EXOC6B: variants seen among roughly 807,000 people sequenced by gnomAD.
The protein encoded by EXOC6B is exocyst complex component 6B, also known as SEC15 homolog B.
EXOC6B carries 54 observed loss-of-function variants against 113.5 expected under a neutral mutation model. The observed-to-expected ratio is 0.48, with a 90% CI of 0.38 to 0.60. The LOEUF (loss-of-function observed/expected upper bound fraction) is 0.60. EXOC6B is among the 20% of genes least tolerant of loss of function. The pLI is 0.00. For missense variants in EXOC6B, 797 were observed against 977.5 expected (o/e 0.82, Z 2.46); for synonymous variants, 357 against 339.0 (o/e 1.05, Z -0.58).
chr2:72,407,819 C>T (rs1239810233), intron 18 of EXOC6B, among the ~76,000 whole-genome samples: 2 of 152,160 alleles, frequency 1.3e-5, no homozygotes, highest in Admixed American at 1.3e-4. Context: ...CAGGGATGCC[C>T]TCTCTCACCA....
chr2:72,413,646 G>A (rs2105231972), intron 18 of EXOC6B, among the ~76,000 whole-genome samples: 1 of 149,826 alleles, frequency 6.7e-6, no homozygotes, highest in East Asian at 2.0e-4. Context: ...TCACTCCACT[G>A]CACTCCAGCC....
At chr2:72,444,947 C>A (rs1478369154) in intron 18 of EXOC6B, among the ~76,000 whole-genome samples, 2 of 152,202 alleles carry the variant, frequency 1.3e-5, no homozygotes, top group Non-Finnish European at 2.9e-5. Context: ...CAAATTTCTG[C>A]AGCTGGCTTG....
chr2:72,700,900 G>A (rs1333143696), intron 6 of EXOC6B, among the ~76,000 whole-genome samples: 2 of 152,066 alleles, frequency 1.3e-5, no homozygotes, highest in African/African-American at 2.4e-5. Flanking sequence ...GCAGTGAGCC[G>A]AGATGGTGCC....
chr2:72,579,122 CAAG>C (rs953250602), intron 6 of EXOC6B, among the ~76,000 whole-genome samples: 1 of 152,072 alleles, frequency 6.6e-6, no homozygotes, highest in African/African-American at 2.4e-5. Flanking sequence ...CAACAGATTA[CAAG>C]AAGCAAAAGT....
chr2:72,785,859 C>A (rs113183430), intron 1 of EXOC6B, among the ~76,000 whole-genome samples: 2 of 152,200 alleles, frequency 1.3e-5, no homozygotes, highest in African/African-American at 4.8e-5. Flanking sequence ...CCCCAGAAAA[C>A]GGGTTTTTCT....
rs113223743 is a variant in EXOC6B at position 72,494,588 on chromosome 2, C to T, written c.1553+842G>A. 4.4e-3 allele frequency among the ~76,000 whole-genome samples: 672 copies of T among 152,132 alleles called. 3 individuals carry two copies. The highest frequency in any genetic ancestry group is 0.024 in the Middle Eastern group (7 of 294). On this transcript the variant is annotated intron_variant, in intron 15 of 21. Coordinates refer to ENST00000272427, the MANE Select transcript of EXOC6B (RefSeq NM_015189.3). ...TACCATGCTTTCCATTCATTTCATACATACACTCATTAAAAAAAATTTTCC... is the reference window on the plus strand; with the variant it reads ...TACCATGCTTTCCATTCATTTCATATATACACTCATTAAAAAAAATTTTCC...
chr2:72,564,900 G>A (rs930602984), intron 7 of EXOC6B, among the ~76,000 whole-genome samples: 3 of 152,162 alleles, frequency 2.0e-5, no homozygotes, highest in Non-Finnish European at 4.4e-5. Context: ...GATTCTTTCT[G>A]AAAAATCCCT....
intron 8 of EXOC6B, among the ~76,000 whole-genome samples, chr2:72,520,078 C>A (rs571759428): frequency 1.3e-5 from 2 of 152,130 alleles, no homozygotes; most frequent in Non-Finnish European, 2.9e-5. Flanking sequence ...TCAGTTAGCA[C>A]GTATCTCCAT....
chr2:72,679,877 G>A (rs1676571349), intron 6 of EXOC6B, among the ~76,000 whole-genome samples: 1 of 152,180 alleles, frequency 6.6e-6, no homozygotes, highest in Non-Finnish European at 1.5e-5. Flanking sequence ...TAAGAGCACA[G>A]ACTCTGAACA....
At chr2:72,525,398 T>G (rs185228274) in intron 8 of EXOC6B, among the ~76,000 whole-genome samples, 1 of 152,290 alleles carries the variant, frequency 6.6e-6, no homozygotes, top group African/African-American at 2.4e-5. Flanking sequence ...CAGTTGTAAC[T>G]TAGAAGCGAA....
chr2:72,465,316 T>C lies in EXOC6B; in HGVS notation c.1824A>G (p.Glu608=). Residue 608 remains glutamate, a synonymous_variant, in exon 18 of 22, where the codon GAA becomes GAG. Transcript: ENST00000272427. The stretch of plus-strand genomic sequence containing the variant: ...TCTGGTTTAAGTTGGTATAAATCTC[T>C]TCTTCAGCTGCATGTCTAGCATCCT... ...TFKDARHAAE[E]EIYTNLNQKI... 1.2e-6 allele frequency: 2 copies of C among 1,600,578 alleles called. No individual in the cohort carries two copies. The highest frequency in any genetic ancestry group is 1.7e-6 in the Non-Finnish European group (2 of 1,173,190).
chr2:72,793,104 C>A (rs1684767688), intron 1 of EXOC6B, among the ~76,000 whole-genome samples: 1 of 152,150 alleles, frequency 6.6e-6, no homozygotes, highest in African/African-American at 2.4e-5. Flanking sequence ...TTTTGGACAT[C>A]TGAACTGTTT....
intron 17 of EXOC6B, among the ~76,000 whole-genome samples, chr2:72,466,050 C>G (rs762965152): frequency 7.9e-5 from 12 of 151,906 alleles, no homozygotes; most frequent in Non-Finnish European, 1.3e-4. Flanking sequence ...CCCAGACAAA[C>G]TTTGAAATAA....
intron 6 of EXOC6B, among the ~76,000 whole-genome samples, chr2:72,659,749 A>G (rs948887903): frequency 6.6e-6 from 1 of 152,166 alleles, no homozygotes; most frequent in African/African-American, 2.4e-5. Context: ...TTATTCAGGA[A>G]CCACAAACTG....
At chr2:72,404,499 C>A (rs1041913497) in intron 18 of EXOC6B, among the ~76,000 whole-genome samples, 1 of 152,158 alleles carries the variant, frequency 6.6e-6, no homozygotes, top group African/African-American at 2.4e-5. Flanking sequence ...TGGTACTCCT[C>A]TGAGACAAAA....
chr2:72,815,582 A>C, intron 1 of EXOC6B, among the ~76,000 whole-genome samples: 1 of 152,120 alleles, frequency 6.6e-6, no homozygotes, highest in East Asian at 1.9e-4. Context: ...TTATTGTGAG[A>C]TTTTCAGCCT....
chr2:72,447,452 C>A (rs1001281502), intron 18 of EXOC6B, among the ~76,000 whole-genome samples: 1 of 151,940 alleles, frequency 6.6e-6, no homozygotes, highest in Non-Finnish European at 1.5e-5. Context: ...AGTATGTTAC[C>A]CAGAGTCTTC....
intron 8 of EXOC6B, among the ~76,000 whole-genome samples, chr2:72,559,121 A>G (rs1030858201): frequency 6.6e-6 from 1 of 152,210 alleles, no homozygotes; most frequent in Non-Finnish European, 1.5e-5. Flanking sequence ...ATAAAAAAGT[A>G]AACATTTTCA....
chr2:72,310,884 C>CACACACACACACACACACACACACAT (rs147993032), intron 20 of EXOC6B, among the ~76,000 whole-genome samples: 1 of 149,440 alleles, frequency 6.7e-6, no homozygotes, highest in East Asian at 1.9e-4. Flanking sequence ...CACACACACA[C>CACACACACACACACACACACACACAT]ACACAGAGCT....
Sources: allele counts gnomAD v4.1 joint callset (sites outside exome capture counted in the v4.1 genomes callset), GRCh38; gene constraint gnomAD v4.1.1; transcripts MANE v1.5; gene names NCBI Gene and HGNC (gene_info 2026-07-23, HGNC 2026-07-21).